The following CCDC60 variants were observed in gnomAD, a reference collection of about 807,000 sequenced individuals.
The protein encoded by CCDC60 is coiled-coil domain containing 60.
A neutral mutation model predicts 63.5 loss-of-function variants in CCDC60; 54 were observed. The ratio of observed to expected loss-of-function variants is 0.85; its 90% CI spans 0.68 to 1.07. The LOEUF (loss-of-function observed/expected upper bound fraction) is 1.07, where lower values mean the gene tolerates loss of function less well. CCDC60 is among the 50% of genes least tolerant of loss of function. The probability of loss-of-function intolerance (pLI) is 0.00; values close to 1 mark genes in which losing one functional copy is unlikely to be tolerated. For missense variants in CCDC60, 651 were observed against 684.3 expected (o/e 0.95, Z 0.54); for synonymous variants, 206 against 238.8 (o/e 0.86, Z 1.27).
rs1950750654 is a variant in CCDC60 at position 119,456,424 on chromosome 12, G to T, written c.171-15570G>T. Among the ~76,000 whole-genome samples the T allele has an allele frequency of 6.6e-6, 1 of 152,146 alleles. No homozygotes were observed. Among genetic ancestry groups the T allele is most frequent in the Admixed American group, 6.5e-5 (1 of 15,276 alleles). ...GATCAATTAACTGGATATGAAAGGG[G>T]TCAAAAGACACAAGTGTTACAGGAC... On this transcript the variant is annotated intron_variant, in intron 2 of 13. Transcript: ENST00000327554. The surrounding 1 kb of genome is among the most constrained non-coding windows in gnomAD (Gnocchi z 4.6).
At chr12:119,405,117 C>T (rs926493675) in intron 1 of CCDC60, among the ~76,000 whole-genome samples, 3 of 152,210 alleles carry the variant, frequency 2.0e-5, no homozygotes, top group Admixed American at 1.3e-4. Flanking sequence ...TTTCTCCACC[C>T]CAGGCTGCAA....
intron 12 of CCDC60, 147 bp from the exon 13 acceptor site, chr12:119,530,727 G>A: frequency 1.8e-6 from 1 of 569,106 alleles, no homozygotes; most frequent in East Asian, 2.7e-5. Flanking sequence ...CCTGATCTGT[G>A]GGTCACAGAG....
intron 2 of CCDC60, among the ~76,000 whole-genome samples, chr12:119,436,254 C>G (rs1950322133): frequency 6.6e-6 from 1 of 152,078 alleles, no homozygotes; most frequent in South Asian, 2.1e-4. Flanking sequence ...GAGACATGAG[C>G]TAGCATCATT....
At chr12:119,435,008 A>G (rs1335333796) in intron 2 of CCDC60, among the ~76,000 whole-genome samples, 2 of 152,234 alleles carry the variant, frequency 1.3e-5, no homozygotes, top group African/African-American at 4.8e-5. Flanking sequence ...AATGGCTTCA[A>G]TGAGGGAAAC....
chr12:119,405,334 C>T (rs1274327886), intron 1 of CCDC60, among the ~76,000 whole-genome samples: 2 of 152,242 alleles, frequency 1.3e-5, no homozygotes, highest in Admixed American at 1.3e-4. Context: ...TACTCAATTA[C>T]ATTTCCTTGA....
Position 119,335,147 on chromosome 12 carries a change from G to A in CCDC60, c.-30G>A, listed in dbSNP as rs773994653. 1.1e-5 allele frequency: 17 copies of A among 1,562,892 alleles called. No homozygotes were observed. The Admixed American group carries it at 1.9e-4, about 17-fold the overall frequency. Reference sequence around the variant, plus strand: ...TTCTGGAAAAATCCTTGTCTTGGGGGCACAGGCTAAAACCTGAAGGATTTT... The same window carrying A: ...TTCTGGAAAAATCCTTGTCTTGGGGACACAGGCTAAAACCTGAAGGATTTT... On this transcript the variant is annotated 5_prime_UTR_variant, in exon 1 of 14. Coordinates refer to ENST00000327554, the MANE Select transcript of CCDC60 (RefSeq NM_178499.5).
In CCDC60 at chr12:119,473,402, T is replaced by C. The variant is rs570339628; in HGVS notation, c.341+1238T>C. Reference sequence around the variant, plus strand: ...TCTGGCAAGTTTTTAAAAACACCACTGTCCAGGTCAGTTACATTAGGCTCT... The same window carrying C: ...TCTGGCAAGTTTTTAAAAACACCACCGTCCAGGTCAGTTACATTAGGCTCT... On this transcript the variant is annotated intron_variant, in intron 3 of 13. Coordinates refer to ENST00000327554, the MANE Select transcript of CCDC60 (RefSeq NM_178499.5). Among the ~76,000 whole-genome samples the C allele has an allele frequency of 9.4e-4, 143 of 152,368 alleles. 2 individuals are homozygous for C. Among genetic ancestry groups the C allele is most frequent in the East Asian group, 7.7e-3 (40 of 5,190 alleles).
At position 119,479,109 on chromosome 12, in the gene CCDC60, G is replaced by C. The variant is rs771254190; in HGVS notation, c.357G>C (p.Glu119Asp). The C allele has an allele frequency of 2.6e-5, 42 of 1,612,776 alleles. No individual in the cohort carries two copies. The highest frequency in any genetic ancestry group is 3.2e-5 in the Non-Finnish European group (38 of 1,179,142). The change falls in exon 4 of 14, where the codon GAG (glutamate) becomes GAC (aspartate). Residue 119 changes from glutamate (E) to aspartate (D), a missense_variant. Coordinates refer to ENST00000327554, the MANE Select transcript of CCDC60 (RefSeq NM_178499.5). The part of the protein sequence containing the change: ...GDTLLSTYDD[E>D]KLKTLGARVT... ...TGTCCTTCAGCACATATGATGATGA[G>C]AAGTTGAAGACACTGGGAGCTAGAG...
intron 2 of CCDC60, among the ~76,000 whole-genome samples, chr12:119,438,114 T>C (rs1174853128): frequency 6.6e-6 from 1 of 152,176 alleles, no homozygotes; most frequent in Non-Finnish European, 1.5e-5. Flanking sequence ...GCCCTACCTA[T>C]TTTTCTCTGT....
At chr12:119,418,596 A>G (rs34031102) in intron 1 of CCDC60, among the ~76,000 whole-genome samples, 28,596 of 150,902 alleles carry the variant, frequency 0.19, 3,346 homozygotes, top group African/African-American at 0.33. Context: ...TGTATTTTCA[A>G]TAGAGACAGG....
intron 7 of CCDC60, among the ~76,000 whole-genome samples, chr12:119,514,874 A>G (rs769327951): frequency 6.6e-6 from 1 of 152,138 alleles, no homozygotes; most frequent in Non-Finnish European, 1.5e-5. Flanking sequence ...TAGGTGTACT[A>G]TTTTTTATCT....
chr12:119,523,903 A>C, intron 11 of CCDC60, 85 bp downstream of exon 11: 1 of 1,412,074 alleles, frequency 7.1e-7, no homozygotes, highest in Non-Finnish European at 9.7e-7. Context: ...TGCTGGGGCT[A>C]TATCACAAAC....
At chr12:119,520,973 T>G (rs1308260220) in intron 9 of CCDC60, among the ~76,000 whole-genome samples, 1 of 152,204 alleles carries the variant, frequency 6.6e-6, no homozygotes, top group African/African-American at 2.4e-5. Flanking sequence ...TTATAAACTT[T>G]TATGTGCCAT....
intron 1 of CCDC60, among the ~76,000 whole-genome samples, chr12:119,354,889 A>G (rs1955700389): frequency 6.6e-6 from 1 of 152,144 alleles, no homozygotes; most frequent in Non-Finnish European, 1.5e-5. Flanking sequence ...ATCCAAACCA[A>G]TAGATTCTCC....
chr12:119,417,844 C>A (rs1214550884), intron 1 of CCDC60, among the ~76,000 whole-genome samples: 2 of 152,206 alleles, frequency 1.3e-5, no homozygotes, highest in African/African-American at 4.8e-5. Flanking sequence ...AGCTCCCACC[C>A]TGAATGTCAG....
chr12:119,523,804 G>A lies in CCDC60; in HGVS notation c.1215G>A (p.Met405Ile), dbSNP rs1952599658. The A allele has an allele frequency of 6.2e-7, 1 of 1,614,094 alleles. No individual in the cohort carries two copies. The highest frequency in any genetic ancestry group is 1.7e-5 in the Admixed American group (1 of 60,016). ...QEAGFCLQDK[M>I]EILMKRQEER... ...CTGGCTTCTGCCTGCAGGACAAGAT[G>A]GAAATCCTCATGAAGTAAGCGCACA... is the stretch of plus-strand genomic sequence containing the variant. Residue 405 changes from methionine to isoleucine, a missense_variant, in exon 11 of 14, where the codon ATG (methionine) becomes ATA (isoleucine). Met to Ile is a conservative substitution (Grantham distance 10). Transcript: ENST00000327554.
chr12:119,334,938 G>T lies in CCDC60; in HGVS notation c.-239G>T. Reference sequence around the variant, plus strand: ...ACAGAAGTTTATAACCTTTCAAAAAGTAAATAAGTCCAGGCTTGCCTGATT... The same window carrying T: ...ACAGAAGTTTATAACCTTTCAAAAATTAAATAAGTCCAGGCTTGCCTGATT... On this transcript the variant is annotated 5_prime_UTR_variant, in exon 1 of 14. Coordinates refer to ENST00000327554, the MANE Select transcript of CCDC60 (RefSeq NM_178499.5). 2.6e-6 allele frequency: 1 copy of T among 385,150 alleles called. No individual in the cohort carries two copies. Among genetic ancestry groups the T allele is most frequent in the Non-Finnish European group, 4.6e-6 (1 of 217,788 alleles). The allele number at this position is 385,150 out of a possible 1,614,324, so 23.9% of individuals were successfully genotyped here.
At chr12:119,469,428 T>G (rs1363569182) in intron 2 of CCDC60, among the ~76,000 whole-genome samples, 1 of 151,958 alleles carries the variant, frequency 6.6e-6, no homozygotes, top group Non-Finnish European at 1.5e-5. Flanking sequence ...CCTGGCTAAT[T>G]TTTGTATTTT....
At chr12:119,430,791 C>T (rs1288872149) in intron 2 of CCDC60, among the ~76,000 whole-genome samples, 1 of 152,124 alleles carries the variant, frequency 6.6e-6, no homozygotes, top group Non-Finnish European at 1.5e-5. Context: ...AGCTTCCAGC[C>T]TCTAGAACTG....
Sources: gnomAD v4.1 joint callset for allele counts (sites outside exome capture counted in the v4.1 genomes callset) on GRCh38, gnomAD v4.1.1 for gene constraint, Gnocchi (gnomAD v3.1) non-coding constraint, MANE v1.5 for transcripts, NCBI Gene and HGNC (gene_info 2026-07-23, HGNC 2026-07-21) for gene names.